Variants in RAD51B observed in about 807,000 individuals in gnomAD.
The protein encoded by RAD51B is RAD51 paralog B.
RAD51B carries 38 observed loss-of-function variants against 42.2 expected under a neutral mutation model. The ratio of observed to expected loss-of-function variants is 0.90; its 90% confidence interval spans 0.70 to 1.18. The LOEUF (loss-of-function observed/expected upper bound fraction) is 1.18, where lower values mean the gene tolerates loss of function less well. Among genes scored for constraint, RAD51B ranks in the 50% most tolerant of loss-of-function variants. The pLI, the probability that RAD51B is intolerant of heterozygous loss-of-function variation, is 0.00. For synonymous variants in RAD51B, 154 were observed against 145.2 expected, an observed-to-expected ratio of 1.06 and a Z score of -0.43; for missense variants, 373 against 400.7, an observed-to-expected ratio of 0.93 and a Z score of 0.59.
At chr14:68,495,662 C>T (rs1476607417) in intron 10 of RAD51B, among the ~76,000 whole-genome samples, 2 of 152,140 alleles carry the variant, frequency 1.3e-5, no homozygotes, top group African/African-American at 2.4e-5. Context: ...GCTCATATGC[C>T]CCTAGATGGG....
intron 8 of RAD51B, among the ~76,000 whole-genome samples, chr14:68,322,881 G>A (rs554460986): frequency 6.6e-6 from 1 of 152,308 alleles, no homozygotes; most frequent in East Asian, 1.9e-4. Flanking sequence ...CATTGGCTTT[G>A]TGTAATTACC....
intron 7 of RAD51B, among the ~76,000 whole-genome samples, chr14:68,075,242 A>G (rs1207910967): frequency 6.6e-6 from 1 of 152,182 alleles, no homozygotes; most frequent in African/African-American, 2.4e-5. Context: ...GAAGAAAGAC[A>G]GGCCTCTTCC....
chr14:68,313,238 T>A (rs2081996371), intron 8 of RAD51B, among the ~76,000 whole-genome samples: 1 of 152,218 alleles, frequency 6.6e-6, no homozygotes, highest in Non-Finnish European at 1.5e-5. Flanking sequence ...GAATCTCTTC[T>A]CCTTTCAGTG....
At chr14:68,131,434 G>A (rs1481521242) in intron 7 of RAD51B, among the ~76,000 whole-genome samples, 3 of 152,130 alleles carry the variant, frequency 2.0e-5, no homozygotes, top group African/African-American at 4.8e-5. Flanking sequence ...GGTGGCTCAC[G>A]CCCGTAATCC....
At chr14:68,339,039 A>G in intron 8 of RAD51B, 1 of 664,956 alleles carries the variant, frequency 1.5e-6, no homozygotes, top group South Asian at 1.5e-5. Context: ...AGCCAGCTCG[A>G]TGGGATCGAC....
intron 7 of RAD51B, among the ~76,000 whole-genome samples, chr14:68,290,914 C>G (rs2081503763): frequency 6.6e-6 from 1 of 152,042 alleles, no homozygotes; most frequent in African/African-American, 2.4e-5. Flanking sequence ...TCAAGCAATT[C>G]TCCTGTCTCA....
At chr14:68,080,299 A>G (rs1595368648) in intron 7 of RAD51B, among the ~76,000 whole-genome samples, 1 of 152,312 alleles carries the variant, frequency 6.6e-6, no homozygotes, top group South Asian at 2.1e-4. Context: ...TTTTCTGTCC[A>G]TACTTCTGAT....
Position 68,220,008 on chromosome 14 carries a change from C to T in RAD51B, c.757-71876C>T, listed in dbSNP as rs142306224. On this transcript the variant is annotated intron_variant, in intron 7 of 10. Coordinates refer to ENST00000471583, the MANE Select transcript of RAD51B (RefSeq NM_133510.4). Reference sequence around the variant, plus strand: ...AAATAGCATAAATAAAAAACTCTCACAACATCTGGAAATCAAGGACACACT... The same window carrying T: ...AAATAGCATAAATAAAAAACTCTCATAACATCTGGAAATCAAGGACACACT... Among the ~76,000 whole-genome samples the T allele has an allele frequency of 6.8e-3, 1,038 of 152,212 alleles. 3 individuals are homozygous for T. The highest frequency in any genetic ancestry group is 0.011 in the Non-Finnish European group (716 of 68,022).
chr14:68,022,378 T>C (rs951379862), intron 7 of RAD51B, among the ~76,000 whole-genome samples: 1 of 152,172 alleles, frequency 6.6e-6, no homozygotes, highest in Non-Finnish European at 1.5e-5. Context: ...ATTGTGAATA[T>C]CCTGGTGATG....
At chr14:68,272,639 ATAT>A (rs1566775501) in intron 7 of RAD51B, among the ~76,000 whole-genome samples, 188 of 10,804 alleles carry the variant, frequency 0.017, 6 homozygotes, top group African/African-American at 0.073. Flanking sequence ...AACACTTTAT[ATAT>A]ATATATATAT....
intron 4 of RAD51B, among the ~76,000 whole-genome samples, chr14:67,850,112 C>T (rs992674587): frequency 6.6e-6 from 1 of 152,192 alleles, no homozygotes; most frequent in Admixed American, 6.5e-5. Context: ...CCTCCCACCT[C>T]AGCCTTCCAA....
chr14:68,649,882 A>G (rs1164883016), intron 10 of RAD51B, among the ~76,000 whole-genome samples: 1 of 152,224 alleles, frequency 6.6e-6, no homozygotes, highest in Non-Finnish European at 1.5e-5. Flanking sequence ...GTAAGATGTA[A>G]TAACACTTCT....
intron 5 of RAD51B, among the ~76,000 whole-genome samples, chr14:67,869,733 A>T (rs1404252196): frequency 6.6e-6 from 1 of 151,974 alleles, no homozygotes; most frequent in Admixed American, 6.6e-5. Context: ...CTAACAGCAG[A>T]TCTCTTGGCA....
chr14:67,850,195 C>T (rs7150467), intron 4 of RAD51B, among the ~76,000 whole-genome samples: 3,706 of 152,144 alleles, frequency 0.024, 69 homozygotes, highest in African/African-American at 0.056. Context: ...AGTGTCCCAC[C>T]GTCGTCTTGA....
chr14:68,096,738 T>G (rs1386435101), intron 7 of RAD51B, among the ~76,000 whole-genome samples: 1 of 152,190 alleles, frequency 6.6e-6, no homozygotes, highest in Non-Finnish European at 1.5e-5. Flanking sequence ...CCTCTTTACT[T>G]TGGTTGCCAG....
intron 8 of RAD51B, among the ~76,000 whole-genome samples, chr14:68,367,668 G>A (rs1185206338): frequency 6.6e-6 from 1 of 152,132 alleles, no homozygotes; most frequent in Non-Finnish European, 1.5e-5. Context: ...TATTCCAGGC[G>A]GAGGATACAA....
At chr14:68,212,131 A>G (rs2079723010) in intron 7 of RAD51B, among the ~76,000 whole-genome samples, 1 of 152,242 alleles carries the variant, frequency 6.6e-6, no homozygotes, top group Non-Finnish European at 1.5e-5. Flanking sequence ...TGACAAGGTC[A>G]AATTTCTGTG....
chr14:68,602,293 C>G (rs1348128031), intron 10 of RAD51B, among the ~76,000 whole-genome samples: 1 of 151,920 alleles, frequency 6.6e-6, no homozygotes, highest in Non-Finnish European at 1.5e-5. Context: ...ATGTTATGTT[C>G]ACACAAACAT....
At chr14:68,658,434 A>G (rs989415890) in intron 11 of RAD51B, among the ~76,000 whole-genome samples, 2 of 152,258 alleles carry the variant, frequency 1.3e-5, no homozygotes, top group Non-Finnish European at 2.9e-5. Flanking sequence ...ATGGCCAGGC[A>G]GGAGAGCTGG....
Sources: allele counts gnomAD v4.1 joint callset (sites outside exome capture counted in the v4.1 genomes callset), GRCh38; gene constraint gnomAD v4.1.1; transcripts MANE v1.5; gene names NCBI Gene and HGNC (gene_info 2026-07-23, HGNC 2026-07-21).